The following NAV2 variants were observed in gnomAD, a reference collection of about 807,000 sequenced individuals.
NAV2 encodes neuron navigator 2, also known as helicase, APC down-regulated 1.
A neutral mutation model predicts 223.2 loss-of-function variants in NAV2; 54 were observed. The ratio of observed to expected loss-of-function variants is 0.24; its 90% CI spans 0.19 to 0.30. NAV2 has a LOEUF of 0.30. Among genes scored for constraint, NAV2 ranks in the 10% least tolerant of loss-of-function variants. The pLI, the probability that NAV2 is intolerant of heterozygous loss-of-function variation, is 1.00. For synonymous variants in NAV2, 1,279 were observed against 1,239.3 expected (o/e 1.03, Z -0.67); for missense variants, 2,806 against 3,147.5 (o/e 0.89, Z 2.60).
chr11:19,783,477 T>G (rs1239034204), intron 1 of NAV2, among the ~76,000 whole-genome samples: 1 of 152,176 alleles, frequency 6.6e-6, no homozygotes, highest in South Asian at 2.1e-4. Context: ...CCCCTTTTTT[T>G]AAGAAGCCCT....
At position 20,006,585 on chromosome 11, in the gene NAV2, G is replaced by A. The variant is rs555592882; in HGVS notation, c.2768+22338G>A. On this transcript the variant is annotated intron_variant, in intron 11 of 37. Coordinates refer to ENST00000349880, the MANE Select transcript of NAV2 (RefSeq NM_145117.5). ...AGCTACTTGAGAGGCTGAGGCAGGA[G>A]AATCACTTGAACCCGGGAGGCGGAG... Among the ~76,000 whole-genome samples, 17 of 152,260 alleles carry A rather than the reference G, an allele frequency of 1.1e-4. No individual in the cohort carries two copies. The East Asian group carries it at 3.1e-3, about 28-fold the overall frequency.
intron 1 of NAV2, among the ~76,000 whole-genome samples, chr11:19,391,856 C>T (rs10833100): frequency 0.044 from 6,690 of 152,248 alleles, 181 homozygotes; most frequent in South Asian, 0.13. Flanking sequence ...TGCTAATATT[C>T]GTTCCCCTGC....
In NAV2 at chr11:19,713,933, G is replaced by T. The variant is rs1377815291; in HGVS notation, c.238G>T (p.Gly80Cys). 6.2e-7 allele frequency: 1 copy of T among 1,613,450 alleles called. No homozygotes were observed. The highest frequency in any genetic ancestry group is 1.1e-5 in the South Asian group (1 of 91,082). Residue 80 changes from glycine (G) to cysteine (C), a missense_variant, in exon 1 of 38, where the codon GGC becomes TGC. By Grantham distance (159) the Gly-to-Cys change is radical. Around this residue, in one of 4 missense-constraint regions of NAV2, gnomAD observed 1,167 missense variants for 1,180.5 expected, o/e 0.99. Coordinates refer to ENST00000349880, the MANE Select transcript of NAV2 (RefSeq NM_145117.5). This position sits in a 1 kb window ranked among gnomAD's most constrained non-coding sequence, Gnocchi z 7.2. The part of the protein sequence containing the change: ...AGEGLPLRKS[G>C]SVENGFDTQI... Reference sequence around the variant, plus strand: ...GGAGGGGCTCCCGCTGCGGAAGAGCGGCTCGGTGGAAAACGGGTTCGATAC... The same window carrying T: ...GGAGGGGCTCCCGCTGCGGAAGAGCTGCTCGGTGGAAAACGGGTTCGATAC...
intron 1 of NAV2, among the ~76,000 whole-genome samples, chr11:19,692,840 G>C (rs959345803): frequency 1.3e-5 from 2 of 152,200 alleles, no homozygotes; most frequent in Admixed American, 6.5e-5. Flanking sequence ...GAGGTGAGGG[G>C]AGATGGGGAT....
At chr11:20,008,235 C>T (rs775244115) in intron 11 of NAV2, among the ~76,000 whole-genome samples, 10 of 152,140 alleles carry the variant, frequency 6.6e-5, no homozygotes, top group Non-Finnish European at 1.0e-4. Context: ...AGTGTGGTGG[C>T]GTGTGCCTGT....
chr11:19,467,040 G>T (rs1340172243), intron 1 of NAV2, among the ~76,000 whole-genome samples: 1 of 149,276 alleles, frequency 6.7e-6, no homozygotes, highest in African/African-American at 2.6e-5. Flanking sequence ...GAGAGAGAGA[G>T]AGAGATAGAT....
chr11:19,883,045 C>G (rs947005352), intron 5 of NAV2, among the ~76,000 whole-genome samples: 2 of 152,118 alleles, frequency 1.3e-5, no homozygotes, highest in Admixed American at 6.5e-5. Flanking sequence ...CTTTGATAAC[C>G]AAAATTCCAA....
intron 3 of NAV2, among the ~76,000 whole-genome samples, chr11:19,860,048 C>T: frequency 1.6e-5 from 2 of 124,468 alleles, no homozygotes; most frequent in South Asian, 5.6e-4. Context: ...GGGGCTGACC[C>T]CCCCCAACTC....
At chr11:19,371,896 G>A (rs779383083) in intron 1 of NAV2, among the ~76,000 whole-genome samples, 28 of 150,758 alleles carry the variant, frequency 1.9e-4, no homozygotes, top group Admixed American at 2.7e-4. Context: ...TCCTGCCTCA[G>A]CCTCCTGAGT....
chr11:19,655,544 A>G (rs9734818), intron 1 of NAV2, among the ~76,000 whole-genome samples: 132,502 of 151,980 alleles, frequency 0.87, 58,741 homozygotes, highest in Middle Eastern at 0.97. Flanking sequence ...CATATACACC[A>G]TGGAATACTA....
intron 10 of NAV2, among the ~76,000 whole-genome samples, chr11:19,974,878 T>G (rs1180025612): frequency 6.6e-6 from 1 of 152,338 alleles, no homozygotes; most frequent in East Asian, 1.9e-4. Flanking sequence ...GTAAAGTCTG[T>G]TTTTTAAAAA....
At chr11:19,637,722 C>A (rs1370507360) in intron 1 of NAV2, among the ~76,000 whole-genome samples, 1 of 152,216 alleles carries the variant, frequency 6.6e-6, no homozygotes, top group Admixed American at 6.5e-5. Context: ...CTCATGTGAA[C>A]TCATTTATCA....
chr11:20,020,078 T>C (rs1274530879), intron 11 of NAV2, among the ~76,000 whole-genome samples: 2 of 152,096 alleles, frequency 1.3e-5, no homozygotes, highest in Non-Finnish European at 2.9e-5. Context: ...GAAAGAGGGT[T>C]GAATATGTTG....
chr11:19,870,936 A>G (rs1249104893), intron 4 of NAV2, among the ~76,000 whole-genome samples: 1 of 152,146 alleles, frequency 6.6e-6, no homozygotes, highest in East Asian at 1.9e-4. Context: ...ACTCTTTGTC[A>G]CCTGGAGCAT....
chr11:19,410,986 T>C (rs184828999), intron 1 of NAV2, among the ~76,000 whole-genome samples: 77 of 152,294 alleles, frequency 5.1e-4, no homozygotes, highest in African/African-American at 1.8e-3. Flanking sequence ...AGAGGGACCC[T>C]GGGACACCTC....
chr11:19,590,282 TA>T (rs2046023216), intron 1 of NAV2, among the ~76,000 whole-genome samples: 1 of 152,154 alleles, frequency 6.6e-6, no homozygotes, highest in South Asian at 2.1e-4. Context: ...TGGACTAGCT[TA>T]GGGGGTTTTA....
chr11:19,397,108 G>A (rs77548800), intron 1 of NAV2, among the ~76,000 whole-genome samples: 3 of 152,180 alleles, frequency 2.0e-5, no homozygotes, highest in East Asian at 1.9e-4. Context: ...GGGGTGGTTG[G>A]CATGGCCGGG....
chr11:19,605,160 C>T (rs988510325), intron 1 of NAV2, among the ~76,000 whole-genome samples: 4 of 152,172 alleles, frequency 2.6e-5, no homozygotes, highest in African/African-American at 7.2e-5. Context: ...CTACATTGGA[C>T]TGCTGCCTGT....
rs974464385 is a variant in NAV2, at chr11:19,748,987, T to C, written c.267+35025T>C. ...AAAACTTGGAGCTTCTAACTCTCAG[T>C]TTGTGTTGTTTCTGGGCCATTCAGA... On this transcript the variant is annotated intron_variant, in intron 1 of 37. Transcript: ENST00000349880. 3.9e-5 allele frequency among the ~76,000 whole-genome samples: 6 copies of C among 152,286 alleles called. No homozygotes were observed. In the South Asian group the frequency reaches 1.2e-3, roughly 32 times the overall value.
Sources: gnomAD v4.1 joint callset for allele counts (sites outside exome capture counted in the v4.1 genomes callset) on GRCh38, gnomAD v4.1.1 for gene constraint, gnomAD v4.1.1 regional missense constraint, Gnocchi (gnomAD v3.1) non-coding constraint, MANE v1.5 for transcripts, NCBI Gene and HGNC (gene_info 2026-07-23, HGNC 2026-07-21) for gene names.